PRH1: variants seen among roughly 807,000 people sequenced by gnomAD.
PRH1 encodes the protein proline rich protein HaeIII subfamily 1.
In PRH1, 7 loss-of-function variants were observed where a neutral mutation model predicts 7.9. That is an observed-to-expected ratio of 0.89 (90% CI 0.50 to 1.67). The LOEUF (loss-of-function observed/expected upper bound fraction) is 1.67. PRH1 is among the 40% of genes most tolerant of loss of function. The pLI, the probability that PRH1 is intolerant of heterozygous loss-of-function variation, is 0.00. For synonymous variants in PRH1, 45 were observed against 80.8 expected (o/e 0.56, Z 2.38); for missense variants, 109 against 223.6 (o/e 0.49, Z 3.27).
intron 1 of PRH1, chr12:11,159,750 T>A (rs550563191): frequency 9.2e-5 from 14 of 152,258 alleles, no homozygotes; most frequent in African/African-American, 3.4e-4. Flanking sequence ...AGTCAAACAG[T>A]TGCAGATGGG....
intron 1 of PRH1, chr12:11,132,982 CAAATG>C (rs1946411091): frequency 6.9e-6 from 2 of 290,990 alleles, no homozygotes; most frequent in Admixed American, 4.7e-5. Context: ...ATAAATTCTA[CAAATG>C]AAATATAAAA....
chr12:11,040,124 G>GTCTAGA (rs1209853838), intron 1 of PRH1, among the ~76,000 whole-genome samples: 6 of 152,158 alleles, frequency 3.9e-5, no homozygotes, highest in Admixed American at 6.5e-5. Context: ...TCACTGAAGA[G>GTCTAGA]TCTAGAGTTC....
chr12:11,007,854 A>G (rs1176881450), intron 1 of PRH1, among the ~76,000 whole-genome samples: 1 of 152,104 alleles, frequency 6.6e-6, no homozygotes, highest in Non-Finnish European at 1.5e-5. Context: ...AACATGGCCC[A>G]TCTCAAATTA....
At chr12:11,164,755 T>C (rs1947521951) in intron 1 of PRH1, among the ~76,000 whole-genome samples, 1 of 151,344 alleles carries the variant, frequency 6.6e-6, no homozygotes, top group South Asian at 2.1e-4. Context: ...AAAAAAAAAA[T>C]GCTTCTTTTT....
At chr12:10,932,874 T>C (rs760079231) in intron 2 of PRH1, among the ~76,000 whole-genome samples, 17 of 151,912 alleles carry the variant, frequency 1.1e-4, no homozygotes, top group Admixed American at 1.3e-4. Flanking sequence ...ATTTTAGAAA[T>C]TGATGACTTT....
At chr12:10,969,716 T>C (rs183443742) in intron 2 of PRH1, among the ~76,000 whole-genome samples, 6 of 152,332 alleles carry the variant, frequency 3.9e-5, no homozygotes, top group Admixed American at 2.6e-4. Context: ...AAATTTATCA[T>C]ATGTATCAAT....
chr12:11,054,804 T>A (rs1025274635), intron 1 of PRH1, among the ~76,000 whole-genome samples: 1 of 129,758 alleles, frequency 7.7e-6, no homozygotes, highest in Non-Finnish European at 1.6e-5. Context: ...TCTTTTTTTT[T>A]TTTTTTTTTT....
intron 2 of PRH1, among the ~76,000 whole-genome samples, chr12:10,946,600 T>C (rs1347908487): frequency 6.6e-6 from 1 of 152,206 alleles, no homozygotes; most frequent in African/African-American, 2.4e-5. Flanking sequence ...CCCAAATTCA[T>C]TGATCTTTTG....
At chr12:10,942,380 C>A (rs1428289384) in intron 2 of PRH1, among the ~76,000 whole-genome samples, 1 of 152,112 alleles carries the variant, frequency 6.6e-6, no homozygotes, top group African/African-American at 2.4e-5. Flanking sequence ...GACTCACTCT[C>A]TCCTGCTGTG....
intron 1 of PRH1, chr12:11,005,962 T>C (rs1255739418): frequency 6.6e-6 from 1 of 152,098 alleles, no homozygotes; most frequent in Non-Finnish European, 1.5e-5. Flanking sequence ...TCACTTTTAT[T>C]TTTCTGTTTA....
chr12:10,967,149 T>C (rs936476910), intron 2 of PRH1, among the ~76,000 whole-genome samples: 1 of 151,014 alleles, frequency 6.6e-6, no homozygotes, highest in African/African-American at 2.4e-5. Flanking sequence ...GAAAAAAACC[T>C]TTGGAAAGAT....
chr12:10,912,355 A>T (rs535553134), intron 2 of PRH1, among the ~76,000 whole-genome samples: 1 of 152,066 alleles, frequency 6.6e-6, no homozygotes, highest in Non-Finnish European at 1.5e-5. Flanking sequence ...GACTTTCTAG[A>T]TATTTGTCAG....
At chr12:10,924,744 C>A (rs1950101588) in intron 2 of PRH1, among the ~76,000 whole-genome samples, 1 of 152,052 alleles carries the variant, frequency 6.6e-6, no homozygotes, top group Admixed American at 6.5e-5. Flanking sequence ...GTGTATGTGT[C>A]GAGGAATGTA....
At chr12:10,971,427 T>C (rs1377397668) in intron 2 of PRH1, among the ~76,000 whole-genome samples, 1 of 152,236 alleles carries the variant, frequency 6.6e-6, no homozygotes, top group Non-Finnish European at 1.5e-5. Context: ...CTTGTAAACA[T>C]GTCTCTCTAG....
chr12:11,054,803 T>A (rs1943294964), intron 1 of PRH1, among the ~76,000 whole-genome samples: 1 of 128,910 alleles, frequency 7.8e-6, no homozygotes, highest in Non-Finnish European at 1.7e-5. Context: ...TTCTTTTTTT[T>A]TTTTTTTTTT....
intron 1 of PRH1, among the ~76,000 whole-genome samples, chr12:11,149,018 A>G (rs1210344940): frequency 2.0e-5 from 3 of 149,846 alleles, no homozygotes; most frequent in South Asian, 2.1e-4. Context: ...GTCTTGGGAG[A>G]GTGTATGTGT....
intron 1 of PRH1, among the ~76,000 whole-genome samples, chr12:10,994,436 TC>T (rs1358457864): frequency 6.6e-6 from 1 of 152,188 alleles, no homozygotes; most frequent in Non-Finnish European, 1.5e-5. Flanking sequence ...TCTGAAAAAG[TC>T]CTGGGAGCCA....
At chr12:11,015,307 T>C (rs542066220) in intron 1 of PRH1, among the ~76,000 whole-genome samples, 10 of 152,364 alleles carry the variant, frequency 6.6e-5, no homozygotes, top group Non-Finnish European at 1.0e-4. Context: ...TATACCAACA[T>C]ATAAAACCAC....
chr12:10,993,438 A>G (rs1375048360), intron 1 of PRH1, among the ~76,000 whole-genome samples: 1 of 152,216 alleles, frequency 6.6e-6, no homozygotes, highest in Non-Finnish European at 1.5e-5. Context: ...AAATACCATA[A>G]CATTGAACAG....
Sources: allele counts gnomAD v4.1 joint callset (sites outside exome capture counted in the v4.1 genomes callset), GRCh38; gene constraint gnomAD v4.1.1; transcripts MANE v1.5; gene names NCBI Gene and HGNC (gene_info 2026-07-23, HGNC 2026-07-21).